Variants in B9D1 observed in about 807,000 individuals in gnomAD.
B9D1 encodes the protein B9 domain containing 1, also known as B9 domain-containing protein 1.
A neutral mutation model predicts 26.1 loss-of-function variants in B9D1; 20 were observed. That is an observed-to-expected ratio of 0.77 (90% confidence interval 0.54 to 1.12). The LOEUF (loss-of-function observed/expected upper bound fraction) is 1.12, where lower values mean the gene tolerates loss of function less well. B9D1 is among the 50% of genes most tolerant of loss of function. B9D1 has a pLI of 0.00. For synonymous variants in B9D1, 105 were observed against 103.1 expected, an observed-to-expected ratio of 1.02 and a Z score of -0.11; for missense variants, 260 against 273.7, an observed-to-expected ratio of 0.95 and a Z score of 0.35.
At chr17:19,335,485 TCTC>T (rs1567873729), downstream of B9D1, 3 of 1,548,172 alleles carry the variant, frequency 1.9e-6, no homozygotes, top group East Asian at 2.4e-5. Context: ...GTGTCTGTGA[TCTC>T]CTCTGTCTTA....
downstream of B9D1, chr17:19,337,859 CAG>C: frequency 1.8e-6 from 1 of 543,064 alleles, no homozygotes; most frequent in Non-Finnish European, 3.4e-6. Flanking sequence ...GGCCCCCATC[CAG>C]ATGTGGGGTG....
intron 3 of B9D1, among the ~76,000 whole-genome samples, chr17:19,349,725 T>A (rs1909337068): frequency 6.6e-6 from 1 of 152,176 alleles, no homozygotes; most frequent in Admixed American, 6.5e-5. Context: ...TGTGTGTTTA[T>A]CCTGTGACTT....
chr17:19,342,995 T>C (rs1298482591), downstream of B9D1: 8 of 941,154 alleles, frequency 8.5e-6, no homozygotes, highest in Non-Finnish European at 1.1e-5. Context: ...AGAACCTGGT[T>C]ATGTCAAAGC....
At chr17:19,375,038 C>A (rs1033693245) in intron 1 of B9D1, among the ~76,000 whole-genome samples, 1 of 152,106 alleles carries the variant, frequency 6.6e-6, no homozygotes, top group Non-Finnish European at 1.5e-5. Context: ...GCCTGTAATC[C>A]CAGCACTTTG....
At chr17:19,355,084 C>T (rs1910150761) in intron 3 of B9D1, among the ~76,000 whole-genome samples, 1 of 152,154 alleles carries the variant, frequency 6.6e-6, no homozygotes, top group Non-Finnish European at 1.5e-5. Context: ...CTGTCTCCTA[C>T]CTTCTCATCT....
intron 1 of B9D1, among the ~76,000 whole-genome samples, chr17:19,373,741 G>A (rs569841280): frequency 9.9e-5 from 15 of 152,184 alleles, no homozygotes; most frequent in Non-Finnish European, 1.8e-4. Flanking sequence ...TGGCCAGGCT[G>A]GTCTCAAACT....
At position 19,370,320 on chromosome 17, in the gene B9D1, G is replaced by T. The variant is rs952156726; in HGVS notation, c.-298+7539C>A. 6.6e-6 allele frequency among the ~76,000 whole-genome samples: 1 copy of T among 152,244 alleles called. No individual in the cohort carries two copies. The highest frequency in any genetic ancestry group is 1.5e-5 in the Non-Finnish European group (1 of 68,042). ...AGGACAACTGGGTGTTGGATCTGGA[G>T]CTCAGGGAGAACAACCCTCAGAGGA... is the stretch of plus-strand genomic sequence containing the variant. On this transcript the variant is annotated intron_variant, in intron 1 of 5. Transcript: ENST00000477478. This position sits in a 1 kb window ranked among gnomAD's most constrained non-coding sequence, Gnocchi z 5.1.
upstream of B9D1, chr17:19,364,407 G>T (rs1295035100): frequency 6.6e-6 from 1 of 152,294 alleles, no homozygotes; most frequent in African/African-American, 2.4e-5. The surrounding 1 kb of genome is among the most constrained non-coding windows in gnomAD (Gnocchi z 4.3). Flanking sequence ...TTGCATAGGG[G>T]CTTGCATAGG....
downstream of B9D1, among the ~76,000 whole-genome samples, chr17:19,342,008 T>C (rs990767801): frequency 2.0e-5 from 3 of 152,078 alleles, no homozygotes; most frequent in African/African-American, 4.8e-5. Flanking sequence ...TTGGAGGCAG[T>C]GCCTTCACCA....
downstream of B9D1, chr17:19,335,185 C>A (rs1049228476): frequency 1.6e-5 from 6 of 369,252 alleles, no homozygotes; most frequent in East Asian, 4.0e-5. Flanking sequence ...AAAAAAAAAA[C>A]AACAGCAACA....
At chr17:19,335,590 T>G, downstream of B9D1, 18 of 859,886 alleles carry the variant, frequency 2.1e-5, no homozygotes, top group Middle Eastern at 2.4e-4. Context: ...CACGGGTCCC[T>G]GGGCAACAGT....
downstream of B9D1, among the ~76,000 whole-genome samples, chr17:19,341,518 C>T (rs909191238): frequency 1.3e-5 from 2 of 152,134 alleles, no homozygotes; most frequent in African/African-American, 2.4e-5. Flanking sequence ...TGAGGCATGT[C>T]CTCAGGTAGG....
At chr17:19,377,729 G>T in intron 1 of B9D1, 1 of 625,804 alleles carries the variant, frequency 1.6e-6, no homozygotes, top group South Asian at 7.1e-5. Flanking sequence ...GGACAGCTCG[G>T]TTCCAGCGAG....
intron 3 of B9D1, among the ~76,000 whole-genome samples, chr17:19,348,963 C>T (rs772535617): frequency 3.9e-5 from 6 of 152,258 alleles, no homozygotes; most frequent in Non-Finnish European, 7.4e-5. Context: ...GCCACGCACC[C>T]AGTGCTGAGC....
Position 19,347,150 on chromosome 17 carries a change from CAGTG to C in B9D1, c.404+115_404+118del, listed in dbSNP as rs754249036. The C allele has an allele frequency of 9.3e-6, 15 of 1,609,662 alleles. No individual in the cohort carries two copies. In the East Asian group the frequency reaches 1.1e-4, roughly 12 times the overall value. On this transcript the variant is annotated intron_variant, in intron 5 of 6. Coordinates refer to ENST00000261499, the MANE Select transcript of B9D1 (RefSeq NM_015681.6). This position sits in a 1 kb window ranked among gnomAD's most constrained non-coding sequence, Gnocchi z 4.3. ...CAGGGGACCTGTTTCTATTTGTCCT[CAGTG>C]GGTGGAGCAGCTTGCAGATCTGAGG...
At chr17:19,346,360 G>A (rs915771062) in intron 5 of B9D1, among the ~76,000 whole-genome samples, 3 of 152,204 alleles carry the variant, frequency 2.0e-5, no homozygotes, top group East Asian at 3.8e-4. Context: ...GGCCCTGGGC[G>A]CGATGCTGTC....
downstream of B9D1, among the ~76,000 whole-genome samples, chr17:19,342,225 C>G (rs373217994): frequency 1.6e-4 from 25 of 152,260 alleles, 1 homozygote; most frequent in East Asian, 4.3e-3. Flanking sequence ...ACTTCCTATT[C>G]CGAGAAGATG....
intron 1 of B9D1, among the ~76,000 whole-genome samples, chr17:19,377,038 A>T (rs1598107178): frequency 6.6e-6 from 1 of 152,340 alleles, no homozygotes; most frequent in South Asian, 2.1e-4. Context: ...ACAAATGGCC[A>T]ATAAGCACAT....
chr17:19,366,368 C>T (rs1911592420), upstream of B9D1, among the ~76,000 whole-genome samples: 1 of 151,964 alleles, frequency 6.6e-6, no homozygotes, highest in Non-Finnish European at 1.5e-5. Flanking sequence ...GGGCAGGGGA[C>T]TTCTTAGAGT....
Sources: gnomAD v4.1 joint callset for allele counts (sites outside exome capture counted in the v4.1 genomes callset) on GRCh38, gnomAD v4.1.1 for gene constraint, Gnocchi (gnomAD v3.1) non-coding constraint, MANE v1.5 for transcripts, NCBI Gene and HGNC (gene_info 2026-07-23, HGNC 2026-07-21) for gene names.